ARAP3: variants seen among roughly 807,000 people sequenced by gnomAD.
ARAP3 encodes the protein ArfGAP with RhoGAP domain, ankyrin repeat and PH domain 3, also known as arf-GAP with Rho-GAP domain, ANK repeat and PH domain-containing protein 3.
ARAP3 carries 82 observed loss-of-function variants against 169.2 expected under a neutral mutation model. The observed-to-expected ratio is 0.48, with a 90% confidence interval of 0.41 to 0.58. The LOEUF is 0.58. ARAP3 is among the 20% of genes least tolerant of loss of function. The pLI is 0.00. For synonymous variants in ARAP3, 791 were observed against 800.3 expected, an observed-to-expected ratio of 0.99 and a Z score of 0.20; for missense variants, 1,764 against 2,018.0, an observed-to-expected ratio of 0.87 and a Z score of 2.41.
At chr5:141,667,887 C>T (rs2099910886) in intron 16 of ARAP3, among the ~76,000 whole-genome samples, 1 of 150,828 alleles carries the variant, frequency 6.6e-6, no homozygotes, top group Admixed American at 6.6e-5. Context: ...ACCAAAAATA[C>T]AAAAATTAGC....
Position 141,664,923 on chromosome 5 carries a change from A to G in ARAP3, c.2799T>C (p.His933=), listed in dbSNP as rs1159153539. The G allele has an allele frequency of 1.4e-6, 2 of 1,379,990 alleles. No individual in the cohort carries two copies. Among genetic ancestry groups the G allele is most frequent in the Non-Finnish European group, 9.6e-7 (1 of 1,043,908 alleles). The allele number at this position is 1,379,990 out of a possible 1,614,324, so 85.5% of individuals were successfully genotyped here. A position where few individuals can be genotyped will look rare whatever the true frequency, so the allele number is the denominator to read the frequency against. ...CAGTACCAGCCAGTGCCTACTCACCATGCTGGGTAACAAAACTGATGCAGG... is the reference window on the plus strand; with the variant it reads ...CAGTACCAGCCAGTGCCTACTCACCGTGCTGGGTAACAAAACTGATGCAGG... ...VDACISFVTQ[H]GLRLEGVYRK... The change falls in exon 19 of 33, where the codon CAT becomes CAC. Residue 933 remains histidine (H), a splice_region_variant and synonymous_variant. Coordinates refer to ENST00000239440, the MANE Select transcript of ARAP3 (RefSeq NM_022481.6).
chr5:141,680,239 G>A lies in ARAP3; in HGVS notation c.248C>T (p.Pro83Leu). ...PKSDSAMEPS[P>L]SPAPQAQPPK... ...GGGCTGGGCTTGCGGGGCTGGGCTG[G>A]GGGATGGTTCCATGGCACTATCTGA... Residue 83 changes from proline to leucine, a missense_variant, in exon 2 of 33, where the codon CCC becomes CTC. Pro to Leu is a moderately conservative substitution (Grantham distance 98). Coordinates refer to ENST00000239440, the MANE Select transcript of ARAP3 (RefSeq NM_022481.6). 1 of 1,614,028 alleles carries A rather than the reference G, an allele frequency of 6.2e-7. No individual in the cohort carries two copies. The highest frequency in any genetic ancestry group is 8.5e-7 in the Non-Finnish European group (1 of 1,179,938).
chr5:141,660,417 C>A (rs1400235430), intron 21 of ARAP3, among the ~76,000 whole-genome samples: 1 of 151,240 alleles, frequency 6.6e-6, no homozygotes, highest in East Asian at 1.9e-4. Flanking sequence ...TGGCGTGAAC[C>A]CTGGAGGCGG....
Position 141,662,063 on chromosome 5 carries a change from G to C in ARAP3, c.2993C>G (p.Pro998Arg). The change falls in exon 20 of 33, where the codon CCT (proline) becomes CGT (arginine). Residue 998 changes from proline (P) to arginine (R), a missense_variant. Around this residue, in one of 3 missense-constraint regions of ARAP3, gnomAD observed 1,112 missense variants for 1,285.7 expected, o/e 0.86. Coordinates refer to ENST00000239440, the MANE Select transcript of ARAP3 (RefSeq NM_022481.6). Reference sequence around the variant, plus strand: ...AATACCAGCAGCCTCCCTCCAGCGAGGCAGCAACCGTGCAGAGGTCACAGG... The same window carrying C: ...AATACCAGCAGCCTCCCTCCAGCGACGCAGCAACCGTGCAGAGGTCACAGG... ...DDPVTSARLL[P>R]RWREAAELPQ... 6.2e-7 allele frequency: 1 copy of C among 1,614,220 alleles called. No individual in the cohort carries two copies. The highest frequency in any genetic ancestry group is 8.5e-7 in the Non-Finnish European group (1 of 1,180,040).
rs2099909552 is a variant in ARAP3, at chr5:141,658,762, C to T, written c.3337-109G>A. 4.3e-6 allele frequency: 4 copies of T among 929,578 alleles called. No individual in the cohort carries two copies. The South Asian group carries it at 5.4e-5, about 13-fold the overall frequency. The allele number at this position is 929,578 out of a possible 1,614,324, so 57.6% of individuals were successfully genotyped here. On this transcript the variant is annotated intron_variant, in intron 23 of 32. Coordinates refer to ENST00000239440, the MANE Select transcript of ARAP3 (RefSeq NM_022481.6). ...TAAGTGACTCTTCCAACAAAGGTCT[C>T]CTCCCAACCCCAATGTCACTCAGGC...
At chr5:141,664,475 C>CA (rs1219827854) in intron 19 of ARAP3, among the ~76,000 whole-genome samples, 1 of 152,176 alleles carries the variant, frequency 6.6e-6, no homozygotes, top group Non-Finnish European at 1.5e-5. Flanking sequence ...GAAAACCTCC[C>CA]ACACAGAATA....
Position 141,665,036 on chromosome 5 carries a change from C to T in ARAP3, c.2686G>A (p.Ala896Thr), listed in dbSNP as rs554504713. 47 of 1,613,986 alleles carry T rather than the reference C, an allele frequency of 2.9e-5. 1 individual carries two copies. In the South Asian group the frequency reaches 3.2e-4, roughly 11 times the overall value. The change falls in exon 19 of 33, where the codon GCA (alanine) becomes ACA (threonine). Residue 896 changes from alanine (A) to threonine (T), a missense_variant. Around this residue, in one of 3 missense-constraint regions of ARAP3, gnomAD observed 1,112 missense variants for 1,285.7 expected, o/e 0.86. Transcript: ENST00000239440. ...CCACCAGCCGCGCCCCCAATGGCTG[C>T]GTTCCATGCCGTGAAGTCCAGCCGG... ...EGRLDFTAWN[A>T]AIGGAAGGGG...
At chr5:141,655,314 G>A in intron 32 of ARAP3, 48 bp downstream of exon 32, 2 of 1,556,624 alleles carry the variant, frequency 1.3e-6, no homozygotes, top group Non-Finnish European at 1.7e-6. Flanking sequence ...GCAGCACAGA[G>A]GAATACAGGG....
chr5:141,675,948 T>C (rs560262662), intron 4 of ARAP3, among the ~76,000 whole-genome samples: 1 of 152,170 alleles, frequency 6.6e-6, no homozygotes, highest in South Asian at 2.1e-4. Flanking sequence ...TTAATCCTAT[T>C]CCTCTCACCT....
chr5:141,654,891 C>G (rs1010457823), intron 32 of ARAP3, among the ~76,000 whole-genome samples: 5 of 151,972 alleles, frequency 3.3e-5, no homozygotes, highest in Admixed American at 6.6e-5. Flanking sequence ...AGGCATGCAC[C>G]ACCACACCTA....
rs143252437 is a variant in ARAP3, at chr5:141,654,271, G to A, written c.4314C>T (p.Pro1438=). 1.1e-4 allele frequency: 183 copies of A among 1,614,034 alleles called. No homozygotes were observed. The highest frequency in any genetic ancestry group is 1.4e-4 in the Non-Finnish European group (166 of 1,180,024). ...GATCCAATGACTTCTGGCTGGTGAG[G>A]GGGTTCTCTGGCTTCACTGTCCACT... ...TREWTVKPEN[P]LTSQKSLDQP... is the part of the protein sequence containing the mutation. The change falls in exon 33 of 33, where the codon CCC becomes CCT. Residue 1438 remains proline, a synonymous_variant. Coordinates refer to ENST00000239440, the MANE Select transcript of ARAP3 (RefSeq NM_022481.6).
At chr5:141,673,956 C>CTT (rs1365112340) in intron 4 of ARAP3, 148 bp from the exon 5 acceptor site, 4 of 541,134 alleles carry the variant, frequency 7.4e-6, no homozygotes, top group East Asian at 3.5e-5. Flanking sequence ...CTTTTCTTTT[C>CTT]TTCTTTTTTT....
In ARAP3 at chr5:141,671,324, C is replaced by T. The variant is rs1426736329; in HGVS notation, c.1931G>A (p.Gly644Asp). The change falls in exon 13 of 33, where the codon GGC becomes GAC. Residue 644 changes from glycine to aspartate, a missense_variant. By Grantham distance (94) the Gly-to-Asp change is moderately conservative (BLOSUM62 -1). This residue lies in a region of ARAP3 where 1,112 missense variants were observed against 1,285.7 expected (regional missense o/e 0.86). Coordinates refer to ENST00000239440, the MANE Select transcript of ARAP3 (RefSeq NM_022481.6). The surrounding 1 kb of genome is among the most constrained non-coding windows in gnomAD (Gnocchi z 4.9). ...TQLLCVEAFE[G>D]EEPWFPPAPD... is the part of the protein sequence containing the mutation. ...GGCTGGGGGGAACCAGGGCTCCTCGCCTTCAAAGGCCTCAACACAGAGGAG... is the reference window on the plus strand; with the variant it reads ...GGCTGGGGGGAACCAGGGCTCCTCGTCTTCAAAGGCCTCAACACAGAGGAG... The T allele has an allele frequency of 6.2e-7, 1 of 1,613,736 alleles. No individual in the cohort carries two copies. Among genetic ancestry groups the T allele is most frequent in the Admixed American group, 1.7e-5 (1 of 59,944 alleles).
At chr5:141,666,730 G>T in intron 16 of ARAP3, 87 bp from the exon 17 acceptor site, 2 of 587,720 alleles carry the variant, frequency 3.4e-6, no homozygotes, top group African/African-American at 1.9e-5. Flanking sequence ...CCGGGGTAGC[G>T]AAAAGCAGAG....
chr5:141,666,774 A>T, intron 16 of ARAP3, 131 bp from the exon 17 acceptor site: 1 of 457,246 alleles, frequency 2.2e-6, no homozygotes, highest in East Asian at 3.5e-5. Context: ...GAAAAGCAGG[A>T]ATGAAAAGGG....
intron 15 of ARAP3, 35 bp downstream of exon 15, chr5:141,669,887 A>G: frequency 6.2e-7 from 1 of 1,608,640 alleles, no homozygotes; most frequent in Non-Finnish European, 8.5e-7. Flanking sequence ...GGAAGAGAAA[A>G]GGGGGAAGCT....
At chr5:141,655,182 TACAC>T (rs3075597) in intron 32 of ARAP3, among the ~76,000 whole-genome samples, 176 bp downstream of exon 32, 5,027 of 95,432 alleles carry the variant, frequency 0.053, 232 homozygotes, top group Middle Eastern at 0.063. Flanking sequence ...CCTGATGGCC[TACAC>T]ACACACACAC....
intron 1 of ARAP3, chr5:141,680,801 G>T: frequency 2.4e-6 from 1 of 409,032 alleles, no homozygotes; most frequent in Admixed American, 4.2e-5. Context: ...CCCTGGGTCT[G>T]GGTCAAAGCT....
intron 4 of ARAP3, among the ~76,000 whole-genome samples, chr5:141,677,712 A>G (rs1482246722): frequency 2.0e-5 from 3 of 152,128 alleles, no homozygotes; most frequent in African/African-American, 7.2e-5. Flanking sequence ...CTTAGAGTAA[A>G]AGCCAAAGTC....
Sources: gnomAD v4.1 joint callset for allele counts (sites outside exome capture counted in the v4.1 genomes callset) on GRCh38, gnomAD v4.1.1 for gene constraint, gnomAD v4.1.1 regional missense constraint, Gnocchi (gnomAD v3.1) non-coding constraint, MANE v1.5 for transcripts, NCBI Gene and HGNC (gene_info 2026-07-23, HGNC 2026-07-21) for gene names.